ZBTB25: variants seen among roughly 807,000 people sequenced by gnomAD.
The protein encoded by ZBTB25 is zinc finger and BTB domain containing 25.
In ZBTB25, 20 loss-of-function variants were observed where a neutral mutation model predicts 34.2. The observed-to-expected ratio is 0.58, with a 90% CI of 0.41 to 0.85. ZBTB25 has a LOEUF of 0.85. ZBTB25 is among the 40% of genes least tolerant of loss of function. The pLI is 0.00. For synonymous variants in ZBTB25, 175 were observed against 186.4 expected, an observed-to-expected ratio of 0.94 and a Z score of 0.50; for missense variants, 437 against 521.8, an observed-to-expected ratio of 0.84 and a Z score of 1.58.
At position 64,483,261 on chromosome 14, in the gene ZBTB25, A is replaced by G. The variant is rs1159713605; in HGVS notation, c.*3662T>C. 6.6e-6 allele frequency: 1 copy of G among 152,378 alleles called. No individual in the cohort carries two copies. The highest frequency in any genetic ancestry group is 1.9e-4 in the East Asian group (1 of 5,188). 9.4% of individuals were successfully genotyped at this position (152,378 alleles called of 1,614,324 possible). A position where few individuals can be genotyped will look rare whatever the true frequency, so the allele number is the denominator to read the frequency against. ...CATTTTGTGGAGATGTAGTCAAAAA[A>G]TAAAGGTTTTAGCTGGAAGAACTTT... is the stretch of plus-strand genomic sequence containing the variant. On this transcript the variant is annotated 3_prime_UTR_variant, in exon 3 of 3. Transcript: ENST00000608382.
intron 1 of ZBTB25, chr14:64,503,033 G>A (rs1238331780): frequency 1.0e-6 from 1 of 985,310 alleles, no homozygotes; most frequent in Non-Finnish European, 1.2e-6. Flanking sequence ...CAGGTTCCAG[G>A]TACTACGTTG....
chr14:64,500,687 T>C (rs902101908), intron 1 of ZBTB25, among the ~76,000 whole-genome samples: 9 of 150,464 alleles, frequency 6.0e-5, no homozygotes, highest in African/African-American at 9.8e-5. Context: ...CCCAGCTACT[T>C]GGGAGGCTGA....
chr14:64,466,500 A>G (rs1202376074), intron 2 of ZBTB25, among the ~76,000 whole-genome samples: 2 of 152,220 alleles, frequency 1.3e-5, no homozygotes, highest in African/African-American at 4.8e-5. Context: ...GAAAACTCAC[A>G]AGAGGTGAGA....
intron 2 of ZBTB25, chr14:64,469,126 C>A (rs1009596419): frequency 1.9e-6 from 3 of 1,614,060 alleles, no homozygotes; most frequent in Non-Finnish European, 2.5e-6. Flanking sequence ...ATGTTCAACC[C>A]CAGCAAGCAA....
Position 64,485,080 on chromosome 14 carries a change from C to T in ZBTB25, c.*1843G>A. Reference sequence around the variant, plus strand: ...TTAAGGCAGAAACTCAACTGCCTTACACAATATCCAGTAGCTTTCTTCATT... The same window carrying T: ...TTAAGGCAGAAACTCAACTGCCTTATACAATATCCAGTAGCTTTCTTCATT... On this transcript the variant is annotated 3_prime_UTR_variant, in exon 3 of 3. Coordinates refer to ENST00000608382, the MANE Select transcript of ZBTB25 (RefSeq NM_006977.5). The T allele has an allele frequency of 2.0e-6, 2 of 985,446 alleles. No homozygotes were observed. Among genetic ancestry groups the T allele is most frequent in the Non-Finnish European group, 2.4e-6 (2 of 829,920 alleles). 61.0% of individuals were successfully genotyped at this position (985,446 alleles called of 1,614,324 possible).
At position 64,487,886 on chromosome 14, in the gene ZBTB25, A is replaced by T. The variant is rs1192315619; in HGVS notation, c.345T>A (p.Asn115Lys). Residue 115 changes from asparagine (N) to lysine (K), a missense_variant, in exon 3 of 3, where the codon AAT becomes AAA. Transcript: ENST00000608382. Reference protein sequence around the residue: ...DYLSHIATEMNQVFSPETVQS... With the variant: ...DYLSHIATEMKQVFSPETVQS... ...GCACAGTCTCTGGTGAGAACACTTG[A>T]TTCATTTCAGTTGCAATGTGAGAAA... 1 of 1,614,150 alleles carries T rather than the reference A, an allele frequency of 6.2e-7. No homozygotes were observed. The highest frequency in any genetic ancestry group is 8.5e-7 in the Non-Finnish European group (1 of 1,180,028).
chr14:64,464,604 A>G (rs1439149820), intron 2 of ZBTB25, among the ~76,000 whole-genome samples: 1 of 152,148 alleles, frequency 6.6e-6, no homozygotes, highest in Non-Finnish European at 1.5e-5. Context: ...GCTGCTTTTC[A>G]GTAGTTCTTC....
intron 2 of ZBTB25, chr14:64,467,972 T>C (rs1295676632): frequency 1.3e-5 from 2 of 154,030 alleles, no homozygotes; most frequent in Admixed American, 1.3e-4. Context: ...AACTCTTTAA[T>C]AGGGCCAAAG....
chr14:64,502,831 G>A (rs908023678), intron 1 of ZBTB25: 1 of 970,488 alleles, frequency 1.0e-6, no homozygotes, highest in African/African-American at 1.8e-5. Flanking sequence ...AAACGAGAGG[G>A]ATGAAACAGA....
At chr14:64,490,078 G>A (rs943164464) in intron 2 of ZBTB25, among the ~76,000 whole-genome samples, 3 of 149,714 alleles carry the variant, frequency 2.0e-5, no homozygotes, top group African/African-American at 7.4e-5. Flanking sequence ...CGTGGTGGCA[G>A]GCGCCTGTAA....
intron 2 of ZBTB25, 123 bp from the exon 3 acceptor site, chr14:64,488,180 T>A: frequency 7.2e-7 from 1 of 1,397,066 alleles, no homozygotes; most frequent in Non-Finnish European, 9.5e-7. Context: ...CAATCTGCCT[T>A]AATAAAACAT....
Position 64,497,211 on chromosome 14 carries a change from T to A in ZBTB25, c.-8+6450A>T, listed in dbSNP as rs552716591. ...CACATGAGGTGCATTCAAACTTGTT[T>A]TGCATAATAGGAGATCTTTGATGTT... On this transcript the variant is annotated intron_variant, in intron 1 of 2. Transcript: ENST00000608382. Among the ~76,000 whole-genome samples, 11 of 152,318 alleles carry A rather than the reference T, an allele frequency of 7.2e-5. 1 individual carries two copies. In the South Asian group the frequency reaches 2.3e-3, roughly 32 times the overall value.
At chr14:64,494,890 T>A (rs928203422) in intron 1 of ZBTB25, among the ~76,000 whole-genome samples, 1 of 152,262 alleles carries the variant, frequency 6.6e-6, no homozygotes, top group Non-Finnish European at 1.5e-5. Flanking sequence ...ATTAAATGAC[T>A]TATCTGTCAT....
chr14:64,486,002 TTAAC>T lies in ZBTB25; in HGVS notation c.*917_*920del, dbSNP rs1162772304. On this transcript the variant is annotated 3_prime_UTR_variant, in exon 3 of 3. Transcript: ENST00000608382. ...TAATGTCTCTCTGACTCTTCTCCCT[TTAAC>T]TGTTTTTTTTATTAAAAATGAGATA... 2 of 984,570 alleles carry T rather than the reference TTAAC, an allele frequency of 2.0e-6. No homozygotes were observed. The highest frequency in any genetic ancestry group is 6.2e-5 in the Admixed American group (1 of 16,260). 61.0% of individuals were successfully genotyped at this position (984,570 alleles called of 1,614,324 possible).
chr14:64,496,052 G>A (rs568388116), intron 1 of ZBTB25, among the ~76,000 whole-genome samples: 163 of 152,060 alleles, frequency 1.1e-3, no homozygotes, highest in Non-Finnish European at 1.8e-3. Context: ...CCCCAACATT[G>A]TGTTCTTTTT....
At chr14:64,472,541 A>G (rs2078684222) in intron 2 of ZBTB25, 1 of 166,918 alleles carries the variant, frequency 6.0e-6, no homozygotes, top group East Asian at 1.9e-4. Context: ...GATTGTTTTT[A>G]TGATAAGATG....
chr14:64,475,472 A>T (rs1475670813), downstream of ZBTB25, among the ~76,000 whole-genome samples: 2 of 81,404 alleles, frequency 2.5e-5, no homozygotes, highest in Non-Finnish European at 6.6e-5. Context: ...TTCTTGGTTT[A>T]AAAAAAAAAA....
chr14:64,484,027 A>G lies in ZBTB25; in HGVS notation c.*2896T>C, dbSNP rs1043953341. On this transcript the variant is annotated 3_prime_UTR_variant, in exon 3 of 3. Transcript: ENST00000608382. ...AACTGGGGGTCAGTCCCACACCACT[A>G]TTCACTGCATCTCTGGAATTCAGCT... is the stretch of plus-strand genomic sequence containing the variant. 2 of 150,908 alleles carry G rather than the reference A, an allele frequency of 1.3e-5. No individual in the cohort carries two copies. Among genetic ancestry groups the G allele is most frequent in the African/African-American group, 2.4e-5 (1 of 40,998 alleles). 9.3% of individuals were successfully genotyped at this position (150,908 alleles called of 1,614,324 possible). A position where few individuals can be genotyped will look rare whatever the true frequency, so the allele number is the denominator to read the frequency against.
At chr14:64,470,346 T>G (rs1223913182) in intron 2 of ZBTB25, 1 of 166,674 alleles carries the variant, frequency 6.0e-6, no homozygotes, top group African/African-American at 2.4e-5. Flanking sequence ...TCCCAGCACT[T>G]TGGGAGGCCA....
Sources: allele counts gnomAD v4.1 joint callset (sites outside exome capture counted in the v4.1 genomes callset), GRCh38; gene constraint gnomAD v4.1.1; transcripts MANE v1.5; gene names NCBI Gene and HGNC (gene_info 2026-07-23, HGNC 2026-07-21).